Variants in MYCBP2 observed in about 807,000 individuals in gnomAD.
MYCBP2 encodes the protein E3 ubiquitin-protein ligase MYCBP2.
In MYCBP2, 120 loss-of-function variants were observed where a neutral mutation model predicts 525.3. The ratio of observed to expected loss-of-function variants is 0.23; its 90% CI spans 0.20 to 0.27. The LOEUF (loss-of-function observed/expected upper bound fraction) is 0.27. MYCBP2 is among the 10% of genes least tolerant of loss of function. The pLI is 1.00. For synonymous variants in MYCBP2, 1,894 were observed against 1,955.8 expected, an observed-to-expected ratio of 0.97 and a Z score of 0.83; for missense variants, 4,149 against 5,657.1, an observed-to-expected ratio of 0.73 and a Z score of 8.55.
chr13:77,138,674 G>A (rs568910187), intron 52 of MYCBP2, among the ~76,000 whole-genome samples: 2 of 152,104 alleles, frequency 1.3e-5, no homozygotes, highest in South Asian at 4.1e-4. Flanking sequence ...TTCTCTCAAA[G>A]ACTAGGATTT....
intron 21 of MYCBP2, among the ~76,000 whole-genome samples, chr13:77,214,528 G>A (rs1484009025): frequency 6.6e-6 from 1 of 152,074 alleles, no homozygotes; most frequent in African/African-American, 2.4e-5. Flanking sequence ...AGAGCAAAGT[G>A]CAAAAGAGCA....
intron 14 of MYCBP2, among the ~76,000 whole-genome samples, chr13:77,252,772 C>A (rs1340168646): frequency 6.6e-6 from 1 of 152,044 alleles, no homozygotes; most frequent in Admixed American, 6.6e-5. Flanking sequence ...CAAGCATCAG[C>A]TAGCTATATC....
At chr13:77,085,874 T>C (rs946959562) in intron 62 of MYCBP2, among the ~76,000 whole-genome samples, 24 of 152,324 alleles carry the variant, frequency 1.6e-4, no homozygotes, top group African/African-American at 5.5e-4. Flanking sequence ...ACAACTGTTT[T>C]AGTCCAGTGA....
At chr13:77,264,293 A>T (rs2073767906) in intron 8 of MYCBP2, among the ~76,000 whole-genome samples, 2 of 151,768 alleles carry the variant, frequency 1.3e-5, no homozygotes, top group Non-Finnish European at 2.9e-5. Flanking sequence ...ATGCACCACG[A>T]TGAACAAACT....
chr13:77,190,279 G>A lies in MYCBP2; in HGVS notation c.4127C>T (p.Ala1376Val). ...KKSNNGTDVN[A>V]GQIPQLLYRL... is the part of the protein sequence containing the mutation. ...GTATAATAACTGAGGTATCTGACCC[G>A]CATTAACATCTGTACCATTATTTGA... The change falls in exon 29 of 83, where the codon GCG (alanine) becomes GTG (valine). Residue 1376 changes from alanine to valine, a missense_variant. By Grantham distance (64) the Ala-to-Val change is moderately conservative. Around this residue, in one of 21 missense-constraint regions of MYCBP2, gnomAD observed 3 missense variants for 18.4 expected, o/e 0.16. Coordinates refer to ENST00000544440, the MANE Select transcript of MYCBP2 (RefSeq NM_015057.5). 1.9e-6 allele frequency: 3 copies of A among 1,606,528 alleles called. No individual in the cohort carries two copies. Among genetic ancestry groups the A allele is most frequent in the Non-Finnish European group, 2.6e-6 (3 of 1,174,908 alleles).
At chr13:77,067,557 AC>A in intron 71 of MYCBP2, 23 bp downstream of exon 71, 1 of 1,610,824 alleles carries the variant, frequency 6.2e-7, no homozygotes, top group Non-Finnish European at 8.5e-7. Context: ...CTGTTTTGGT[AC>A]TAAAATAGAG....
At chr13:77,048,545 A>G (rs908511645) in intron 82 of MYCBP2, among the ~76,000 whole-genome samples, 7 of 152,128 alleles carry the variant, frequency 4.6e-5, no homozygotes, top group Non-Finnish European at 7.4e-5. Context: ...CAGTTCTCTA[A>G]ATGAATGGAT....
At chr13:77,076,324 TAC>T (rs1486336624) in intron 68 of MYCBP2, 1 of 153,328 alleles carries the variant, frequency 6.5e-6, no homozygotes, top group Non-Finnish European at 1.4e-5. Flanking sequence ...AAGAGACACA[TAC>T]AGATTATTAT....
chr13:77,066,086 T>A lies in MYCBP2; in HGVS notation c.12458A>T (p.Tyr4153Phe), dbSNP rs1377399106. ...CCAATGACTTTCACCTCGTCGGAGA[T>A]AACTACAAGAAAAATTAGCACTTAA... ...VTLPMIFNSS[Y>F]LRRGESHWWM... The change falls in exon 72 of 83, where the codon TAT becomes TTT. Residue 4153 changes from tyrosine to phenylalanine, a missense_variant and splice_region_variant. Physicochemically the swap from Tyr to Phe is conservative, Grantham distance 22. Transcript: ENST00000544440. The A allele has an allele frequency of 6.2e-7, 1 of 1,610,316 alleles. No individual in the cohort carries two copies.
At chr13:77,249,591 TGCTATGC>T (rs1285721058) in intron 15 of MYCBP2, among the ~76,000 whole-genome samples, 1 of 152,172 alleles carries the variant, frequency 6.6e-6, no homozygotes, top group Non-Finnish European at 1.5e-5. Context: ...TTAGGGGTGT[TGCTATGC>T]TGCTGAAGCT....
rs761376676 is a variant in MYCBP2, at chr13:77,125,508, T to C, written c.7885-40A>G. ...AAAGCATGATTGATTGGCTTGATTC[T>C]TTCAGGGAACTCAGTCTGAAAACCA... is the stretch of plus-strand genomic sequence containing the variant. On this transcript the variant is annotated intron_variant, in intron 53 of 82. Coordinates refer to ENST00000544440, the MANE Select transcript of MYCBP2 (RefSeq NM_015057.5). 5 of 1,610,228 alleles carry C rather than the reference T, an allele frequency of 3.1e-6. No homozygotes were observed. The South Asian group carries it at 4.4e-5, about 14-fold the overall frequency.
At position 77,139,258 on chromosome 13, in the gene MYCBP2, T is replaced by C. The variant is rs1392140525; in HGVS notation, c.7597A>G (p.Thr2533Ala). The change falls in exon 52 of 83, where the codon ACT becomes GCT. Residue 2533 changes from threonine (T) to alanine (A), a missense_variant. Thr to Ala is a moderately conservative substitution (Grantham distance 58, BLOSUM62 0). Transcript: ENST00000544440. Reference protein sequence around the residue: ...KKYVPNMNGYTEAWCLSFNQH... With the variant: ...KKYVPNMNGYAEAWCLSFNQH... Reference sequence around the variant, plus strand: ...TTAAAAGAGAGGCACCAGGCTTCAGTGTAACCATTCATGTTAGGGACATAC... The same window carrying C: ...TTAAAAGAGAGGCACCAGGCTTCAGCGTAACCATTCATGTTAGGGACATAC... The C allele has an allele frequency of 6.2e-7, 1 of 1,613,840 alleles. No individual in the cohort carries two copies. Among genetic ancestry groups the C allele is most frequent in the African/African-American group, 1.3e-5 (1 of 74,924 alleles).
intron 14 of MYCBP2, among the ~76,000 whole-genome samples, chr13:77,253,749 A>C (rs781451510): frequency 6.6e-6 from 1 of 152,008 alleles, no homozygotes; most frequent in Non-Finnish European, 1.5e-5. Flanking sequence ...AAAAAATTAC[A>C]GTATCATTTC....
chr13:77,142,613 G>A (rs1396103097), intron 49 of MYCBP2, among the ~76,000 whole-genome samples: 2 of 152,112 alleles, frequency 1.3e-5, no homozygotes, highest in African/African-American at 4.8e-5. Flanking sequence ...ACTTGCAAGG[G>A]GTCCCACGAT....
chr13:77,165,529 T>G, intron 41 of MYCBP2, 138 bp from the exon 42 acceptor site: 1 of 623,846 alleles, frequency 1.6e-6, no homozygotes, highest in Non-Finnish European at 2.7e-6. Flanking sequence ...TTAAATAGAC[T>G]TGCGGCGGGG....
intron 55 of MYCBP2, chr13:77,100,485 C>T (rs1594537330): frequency 6.6e-6 from 1 of 152,016 alleles, no homozygotes. Context: ...AAGTATTCAG[C>T]TTCTCCAGAA....
intron 18 of MYCBP2, among the ~76,000 whole-genome samples, chr13:77,226,749 C>T (rs544666316): frequency 6.6e-6 from 1 of 152,048 alleles, no homozygotes; most frequent in South Asian, 2.1e-4. Context: ...CTTTCCTTTC[C>T]GTAACTAAAT....
chr13:77,186,471 AAAAT>A (rs2060727209), intron 30 of MYCBP2, among the ~76,000 whole-genome samples: 1 of 152,216 alleles, frequency 6.6e-6, no homozygotes, highest in African/African-American at 2.4e-5. Flanking sequence ...AGTAAAAAAT[AAAAT>A]AGAGTTTTAG....
At position 77,067,628 on chromosome 13, in the gene MYCBP2, C is replaced by T. The variant is rs2040433046; in HGVS notation, c.12408G>A (p.Val4136=). The change falls in exon 71 of 83, where the codon GTG becomes GTA. Residue 4136 remains valine (V), a synonymous_variant. Transcript: ENST00000544440. ...TTITGTAGTT[V]GKGVTTVTLP... ...GAGTAACTGTTGTAACTCCTTTGCC[C>T]ACAGTGGTACCAGCTGTTCCAGTGA... The T allele has an allele frequency of 6.2e-7, 1 of 1,614,166 alleles. No individual in the cohort carries two copies. Among genetic ancestry groups the T allele is most frequent in the Non-Finnish European group, 8.5e-7 (1 of 1,180,012 alleles).
Sources: gnomAD v4.1 joint callset for allele counts (sites outside exome capture counted in the v4.1 genomes callset) on GRCh38, gnomAD v4.1.1 for gene constraint, gnomAD v4.1.1 regional missense constraint, MANE v1.5 for transcripts, NCBI Gene and HGNC (gene_info 2026-07-23, HGNC 2026-07-21) for gene names.